The following CARMIL1 variants were observed in gnomAD, a reference collection of about 807,000 sequenced individuals.
The protein encoded by CARMIL1 is capping protein regulator and myosin 1 linker 1.
A neutral mutation model predicts 177.1 loss-of-function variants in CARMIL1; 90 were observed. That is an observed-to-expected ratio of 0.51 (90% CI 0.43 to 0.61). CARMIL1 has a LOEUF of 0.61. Ranked by LOEUF, CARMIL1 falls within the 20% of genes least tolerant of loss-of-function variation. The probability of loss-of-function intolerance (pLI) is 0.00; values close to 1 mark genes in which losing one functional copy is unlikely to be tolerated. For missense variants in CARMIL1, 1,380 were observed against 1,667.0 expected, an observed-to-expected ratio of 0.83 and a Z score of 3.00; for synonymous variants, 577 against 606.2, an observed-to-expected ratio of 0.95 and a Z score of 0.71.
At chr6:25,461,054 T>G (rs1800074417) in intron 8 of CARMIL1, among the ~76,000 whole-genome samples, 1 of 152,192 alleles carries the variant, frequency 6.6e-6, no homozygotes, top group Non-Finnish European at 1.5e-5. Flanking sequence ...AGTATGCCTA[T>G]TTTGATTGGC....
intron 2 of CARMIL1, among the ~76,000 whole-genome samples, chr6:25,408,451 A>G (rs1345561866): frequency 7.3e-6 from 1 of 136,330 alleles, no homozygotes; most frequent in Admixed American, 8.0e-5. Context: ...TGATCATCAT[A>G]TCTTTAGGGA....
At chr6:25,523,375 A>T (rs1275887686) in intron 23 of CARMIL1, among the ~76,000 whole-genome samples, 1 of 152,206 alleles carries the variant, frequency 6.6e-6, no homozygotes, top group Non-Finnish European at 1.5e-5. Context: ...AATGTTTTAC[A>T]TAAATTAATA....
intron 29 of CARMIL1, among the ~76,000 whole-genome samples, chr6:25,557,261 A>C (rs1810708460): frequency 1.3e-5 from 2 of 152,220 alleles, no homozygotes; most frequent in South Asian, 4.2e-4. Flanking sequence ...CAAACCCTTA[A>C]ATTTGGGCTT....
At chr6:25,429,352 G>A (rs759026308) in intron 4 of CARMIL1, among the ~76,000 whole-genome samples, 1 of 152,142 alleles carries the variant, frequency 6.6e-6, no homozygotes, top group Non-Finnish European at 1.5e-5. Context: ...CATGCCTTTT[G>A]TTGTACCATG....
chr6:25,309,170 G>A (rs182174092), intron 2 of CARMIL1, among the ~76,000 whole-genome samples: 211 of 152,148 alleles, frequency 1.4e-3, no homozygotes, highest in African/African-American at 4.7e-3. Flanking sequence ...TTACAGGCAT[G>A]AGCCATCACA....
At chr6:25,325,765 CAT>C (rs1561986646) in intron 2 of CARMIL1, among the ~76,000 whole-genome samples, 1 of 152,124 alleles carries the variant, frequency 6.6e-6, no homozygotes, top group African/African-American at 2.4e-5. Context: ...AAGAGACAAA[CAT>C]ATGCATACAC....
chr6:25,551,684 A>T (rs992493652), intron 27 of CARMIL1, among the ~76,000 whole-genome samples: 2 of 152,236 alleles, frequency 1.3e-5, no homozygotes, highest in Non-Finnish European at 1.5e-5. Context: ...CTCTTGGTCC[A>T]TCAACAGTAT....
At chr6:25,435,857 C>G (rs1002155898) in intron 5 of CARMIL1, among the ~76,000 whole-genome samples, 5 of 152,066 alleles carry the variant, frequency 3.3e-5, no homozygotes, top group African/African-American at 2.4e-5. Context: ...TCTCATAAGA[C>G]TAAAACAGTA....
At chr6:25,397,239 C>T (rs1793493670) in intron 2 of CARMIL1, among the ~76,000 whole-genome samples, 1 of 152,182 alleles carries the variant, frequency 6.6e-6, no homozygotes, top group Non-Finnish European at 1.5e-5. Flanking sequence ...CCCTTTATTT[C>T]CCCAACTCCA....
rs947710073 is a variant in CARMIL1, at chr6:25,441,662, C to A, written c.371+6058C>A. On this transcript the variant is annotated intron_variant, in intron 5 of 36. Transcript: ENST00000329474. Reference sequence around the variant, plus strand: ...TCACCCCAACTCAAATCACTGTTATCGTGTGTTTTGTTAACATTCCAATCT... The same window carrying A: ...TCACCCCAACTCAAATCACTGTTATAGTGTGTTTTGTTAACATTCCAATCT... Among the ~76,000 whole-genome samples, 21 of 152,046 alleles carry A rather than the reference C, an allele frequency of 1.4e-4. 1 individual carries two copies. Among genetic ancestry groups the A allele is most frequent in the Admixed American group, 1.3e-3 (20 of 15,270 alleles).
At chr6:25,386,168 C>A (rs997892695) in intron 2 of CARMIL1, among the ~76,000 whole-genome samples, 7 of 152,194 alleles carry the variant, frequency 4.6e-5, no homozygotes, top group African/African-American at 1.7e-4. Context: ...TTACCAATCA[C>A]ACTGGTTATT....
intron 5 of CARMIL1, among the ~76,000 whole-genome samples, chr6:25,441,201 C>A (rs1170393570): frequency 6.6e-6 from 1 of 151,690 alleles, no homozygotes; most frequent in Non-Finnish European, 1.5e-5. Flanking sequence ...GTATTCCCAA[C>A]TAATGGGAGG....
Position 25,401,175 on chromosome 6 carries a change from C to T in CARMIL1, c.139-18939C>T, listed in dbSNP as rs540826655. Among the ~76,000 whole-genome samples, 31 of 152,140 alleles carry T rather than the reference C, an allele frequency of 2.0e-4. No individual in the cohort carries two copies. The South Asian group carries it at 4.6e-3, about 22-fold the overall frequency. ...ATTTTAACGGTTCACATTTGTTTCA[C>T]CTTTGCTTTTATAACATTGTTATGT... On this transcript the variant is annotated intron_variant, in intron 2 of 36. Transcript: ENST00000329474.
chr6:25,445,256 G>C (rs185189890), intron 5 of CARMIL1, among the ~76,000 whole-genome samples: 86 of 152,156 alleles, frequency 5.7e-4, no homozygotes, highest in African/African-American at 2.0e-3. Context: ...ACATTTTCAG[G>C]CTCCACTTTT....
intron 2 of CARMIL1, among the ~76,000 whole-genome samples, chr6:25,360,600 G>A (rs1217418845): frequency 2.6e-5 from 4 of 152,142 alleles, no homozygotes; most frequent in African/African-American, 9.7e-5. Flanking sequence ...TCTGTCCAAT[G>A]AGAGGAGAAG....
intron 5 of CARMIL1, among the ~76,000 whole-genome samples, chr6:25,449,058 A>C (rs1798526163): frequency 1.3e-5 from 2 of 151,548 alleles, no homozygotes; most frequent in South Asian, 4.2e-4. Flanking sequence ...ATACTACCAC[A>C]CCTGGCTAAT....
At chr6:25,279,931 G>A in intron 1 of CARMIL1, 96 bp downstream of exon 1, 2 of 1,432,782 alleles carry the variant, frequency 1.4e-6, no homozygotes, top group Non-Finnish European at 2.0e-6. Context: ...GTCTCGAGAA[G>A]TCTTGGCGCC....
intron 2 of CARMIL1, among the ~76,000 whole-genome samples, chr6:25,418,487 C>T (rs985890724): frequency 3.0e-4 from 45 of 152,010 alleles, no homozygotes; most frequent in African/African-American, 8.9e-4. Flanking sequence ...ATCCCTGTCC[C>T]TCTCCTTTCT....
intron 2 of CARMIL1, among the ~76,000 whole-genome samples, chr6:25,308,924 A>ATACT (rs1783511388): frequency 1.3e-5 from 2 of 152,200 alleles, no homozygotes; most frequent in Non-Finnish European, 2.9e-5. Context: ...AATTCAACAA[A>ATACT]TACTTATGGA....
Sources: gnomAD v4.1 joint callset for allele counts (sites outside exome capture counted in the v4.1 genomes callset) on GRCh38, gnomAD v4.1.1 for gene constraint, MANE v1.5 for transcripts, NCBI Gene and HGNC (gene_info 2026-07-23, HGNC 2026-07-21) for gene names.